UBE2K: variants seen among roughly 807,000 people sequenced by gnomAD.
The protein encoded by UBE2K is ubiquitin conjugating enzyme E2 K.
UBE2K carries 6 observed loss-of-function variants against 30.0 expected under a neutral mutation model. The ratio of observed to expected loss-of-function variants is 0.20; its 90% CI spans 0.11 to 0.39. The LOEUF (loss-of-function observed/expected upper bound fraction) is 0.39, where lower values mean the gene tolerates loss of function less well. Among genes scored for constraint, UBE2K ranks in the 10% least tolerant of loss-of-function variants. UBE2K has a pLI of 1.00. For synonymous variants in UBE2K, 86 were observed against 83.7 expected (o/e 1.03, Z -0.15); for missense variants, 61 against 241.6 (o/e 0.25, Z 4.96).
chr4:39,768,932 A>G (rs1050562841), intron 4 of UBE2K, among the ~76,000 whole-genome samples: 5 of 152,074 alleles, frequency 3.3e-5, no homozygotes, highest in Non-Finnish European at 7.4e-5. Flanking sequence ...ATCTCAGCTC[A>G]CTGCAACCTC....
chr4:39,723,488 C>A (rs1343274332), intron 1 of UBE2K, among the ~76,000 whole-genome samples: 1 of 151,720 alleles, frequency 6.6e-6, no homozygotes, highest in East Asian at 1.9e-4. Context: ...GCTGCCTCAG[C>A]CTCCCGAGTA....
rs1335095177 is a variant in UBE2K, at chr4:39,781,425, T to C, written c.*2991T>C. 1 of 152,264 alleles carries C rather than the reference T, an allele frequency of 6.6e-6. No homozygotes were observed. Among genetic ancestry groups the C allele is most frequent in the Non-Finnish European group, 1.5e-5 (1 of 68,132 alleles). 9.4% of individuals were successfully genotyped at this position (152,264 alleles called of 1,614,324 possible). Reference sequence around the variant, plus strand: ...AGTATCTGTAAGAAAGAATTGGCAGTTTAAACGGATTTTGCTTATTTATGC... The same window carrying C: ...AGTATCTGTAAGAAAGAATTGGCAGCTTAAACGGATTTTGCTTATTTATGC... On this transcript the variant is annotated 3_prime_UTR_variant, in exon 7 of 7. Coordinates refer to ENST00000261427, the MANE Select transcript of UBE2K (RefSeq NM_005339.5).
intron 1 of UBE2K, among the ~76,000 whole-genome samples, chr4:39,728,205 T>C (rs998240915): frequency 2.6e-5 from 4 of 152,194 alleles, no homozygotes; most frequent in Non-Finnish European, 4.4e-5. Flanking sequence ...GCTTCACTGA[T>C]TATTAGCTTT....
intron 1 of UBE2K, among the ~76,000 whole-genome samples, chr4:39,734,787 G>A (rs189061087): frequency 2.9e-4 from 44 of 152,294 alleles, no homozygotes; most frequent in African/African-American, 9.4e-4. Flanking sequence ...TTCCAGCCAG[G>A]GTGATGGGAG....
intron 4 of UBE2K, among the ~76,000 whole-genome samples, chr4:39,760,777 AT>A (rs1338847989): frequency 6.6e-6 from 1 of 152,192 alleles, no homozygotes; most frequent in Non-Finnish European, 1.5e-5. Context: ...GTCTCAAAAA[AT>A]AAAAATTAAA....
intron 4 of UBE2K, among the ~76,000 whole-genome samples, chr4:39,759,698 A>G (rs775132794): frequency 6.6e-6 from 1 of 152,230 alleles, no homozygotes; most frequent in Non-Finnish European, 1.5e-5. Flanking sequence ...GAAAATGGCA[A>G]CACATAAAAA....
At chr4:39,736,387 A>G (rs1367341943) in intron 1 of UBE2K, among the ~76,000 whole-genome samples, 2 of 152,186 alleles carry the variant, frequency 1.3e-5, no homozygotes, top group Admixed American at 1.3e-4. Context: ...ACTTGAACCC[A>G]GGAGGTGGAG....
At chr4:39,714,734 T>G (rs1229537838) in intron 1 of UBE2K, among the ~76,000 whole-genome samples, 1 of 150,144 alleles carries the variant, frequency 6.7e-6, no homozygotes, top group Non-Finnish European at 1.5e-5. Flanking sequence ...ATATTTTTAG[T>G]AGAGACGGGT....
At chr4:39,756,466 G>C (rs543506825) in intron 4 of UBE2K, among the ~76,000 whole-genome samples, 14 of 152,190 alleles carry the variant, frequency 9.2e-5, no homozygotes, top group African/African-American at 3.4e-4. Flanking sequence ...TTGTTTGTTT[G>C]TTTTGAGACA....
intron 1 of UBE2K, among the ~76,000 whole-genome samples, chr4:39,735,263 G>A (rs1296352972): frequency 1.3e-5 from 2 of 152,202 alleles, no homozygotes; most frequent in Non-Finnish European, 2.9e-5. Flanking sequence ...AGGCCATAGT[G>A]CAGTGGCACG....
At chr4:39,724,418 T>G (rs1560349945) in intron 1 of UBE2K, among the ~76,000 whole-genome samples, 1 of 151,970 alleles carries the variant, frequency 6.6e-6, no homozygotes, top group East Asian at 1.9e-4. Flanking sequence ...ACTGTATTTT[T>G]TTGTCTTCTA....
rs1553874880 is a variant in UBE2K at position 39,714,517 on chromosome 4, C to CATCTATATATATATATATTTAT, written c.63+16129_63+16130insCTATATATATATATATTTATAT. 17 of 41,636 alleles carry CATCTATATATATATATATTTAT rather than the reference C, an allele frequency of 4.1e-4. 3 individuals carry two copies. The highest frequency in any genetic ancestry group is 2.1e-3 in the African/African-American group (16 of 7,530). 2.6% of individuals were successfully genotyped at this position (41,636 alleles called of 1,614,324 possible). ...TGTCCTCCTTGTCTTTTAGAAGTTT[C>CATCTATATATATATATATTTAT]ATATATATATATATATATATATATA... On this transcript the variant is annotated intron_variant, in intron 1 of 6. Transcript: ENST00000261427.
At chr4:39,721,808 G>T (rs993997823) in intron 1 of UBE2K, among the ~76,000 whole-genome samples, 1 of 152,020 alleles carries the variant, frequency 6.6e-6, no homozygotes, top group Non-Finnish European at 1.5e-5. Flanking sequence ...TATTCTTTTG[G>T]TTGGGCATGG....
intron 1 of UBE2K, among the ~76,000 whole-genome samples, chr4:39,712,972 T>G (rs923101815): frequency 9.2e-5 from 14 of 152,036 alleles, no homozygotes; most frequent in Non-Finnish European, 1.6e-4. Context: ...TTCAAGCGAT[T>G]GTCCTGCCTC....
At chr4:39,711,530 C>T (rs1560341461) in intron 1 of UBE2K, among the ~76,000 whole-genome samples, 1 of 151,958 alleles carries the variant, frequency 6.6e-6, no homozygotes, top group South Asian at 2.1e-4. Flanking sequence ...ATATTGTATT[C>T]CATGTCAGTT....
chr4:39,776,389 A>G (rs368029621), intron 5 of UBE2K, among the ~76,000 whole-genome samples: 70 of 152,260 alleles, frequency 4.6e-4, no homozygotes, highest in African/African-American at 1.5e-3. Context: ...CATCTTCTAC[A>G]TTGCTATCAG....
At chr4:39,775,076 T>G (rs964681950) in intron 5 of UBE2K, 143 bp downstream of exon 5, 4 of 481,134 alleles carry the variant, frequency 8.3e-6, no homozygotes, top group Non-Finnish European at 1.1e-5. Context: ...GATTATTTTG[T>G]CAGGTGTAAT....
intron 4 of UBE2K, among the ~76,000 whole-genome samples, chr4:39,769,568 C>T (rs1712604688): frequency 6.6e-6 from 1 of 151,824 alleles, no homozygotes; most frequent in Non-Finnish European, 1.5e-5. Flanking sequence ...AGAACTGTCT[C>T]CCCCTTCCTT....
rs2109400677 is a variant in UBE2K at position 39,769,340 on chromosome 4, C to G, written c.300-5494C>G. Among the ~76,000 whole-genome samples, 3 of 150,678 alleles carry G rather than the reference C, an allele frequency of 2.0e-5. No homozygotes were observed. The South Asian group carries it at 6.3e-4, about 32-fold the overall frequency. ...TTTTCTTAAAAAATACTGTATGTCTCTACTCCTCTCCCTCCCTCCCAACAG... is the reference window on the plus strand; with the variant it reads ...TTTTCTTAAAAAATACTGTATGTCTGTACTCCTCTCCCTCCCTCCCAACAG... On this transcript the variant is annotated intron_variant, in intron 4 of 6. Transcript: ENST00000261427.
Sources: gnomAD v4.1 joint callset for allele counts (sites outside exome capture counted in the v4.1 genomes callset) on GRCh38, gnomAD v4.1.1 for gene constraint, MANE v1.5 for transcripts, NCBI Gene and HGNC (gene_info 2026-07-23, HGNC 2026-07-21) for gene names.